STXBP5: variants seen among roughly 807,000 people sequenced by gnomAD.
STXBP5 encodes syntaxin binding protein 5.
Under a neutral mutation model 152.4 loss-of-function variants are expected in STXBP5, and 50 were observed. The observed-to-expected ratio is 0.33, with a 90% confidence interval of 0.26 to 0.42. The LOEUF (loss-of-function observed/expected upper bound fraction) is 0.42. Ranked by LOEUF, STXBP5 falls within the 10% of genes least tolerant of loss-of-function variation. The pLI is 1.00. For synonymous variants in STXBP5, 492 were observed against 494.7 expected (o/e 0.99, Z 0.07); for missense variants, 1,167 against 1,388.6 (o/e 0.84, Z 2.54).
chr6:147,213,852 C>T (rs1031183793), intron 2 of STXBP5, among the ~76,000 whole-genome samples: 1 of 152,002 alleles, frequency 6.6e-6, no homozygotes, highest in Non-Finnish European at 1.5e-5. Context: ...AAGAAAAGGG[C>T]ATTTCACTAT....
At chr6:147,292,335 G>GT (rs1261504422) in intron 9 of STXBP5, 2 of 424,282 alleles carry the variant, frequency 4.7e-6, no homozygotes, top group Non-Finnish European at 9.3e-6. Context: ...TGTATCATCT[G>GT]TTTGACTCTT....
intron 4 of STXBP5, among the ~76,000 whole-genome samples, chr6:147,253,004 CA>C (rs1028807050): frequency 5.9e-5 from 9 of 151,956 alleles, no homozygotes; most frequent in Admixed American, 2.6e-4. Context: ...AGAGACACAA[CA>C]AAAAAAGAAG....
chr6:147,293,186 ACT>A (rs1412566833), intron 9 of STXBP5: 3 of 152,216 alleles, frequency 2.0e-5, no homozygotes, highest in Non-Finnish European at 4.4e-5. Flanking sequence ...TGTAAGTTAC[ACT>A]CTATGATGTT....
intron 9 of STXBP5, among the ~76,000 whole-genome samples, chr6:147,298,396 A>G (rs947033429): frequency 6.6e-6 from 1 of 152,094 alleles, no homozygotes; most frequent in Non-Finnish European, 1.5e-5. Context: ...GAGGAATTCA[A>G]CACCCTACTT....
At chr6:147,245,500 A>G (rs924150544) in intron 4 of STXBP5, among the ~76,000 whole-genome samples, 35 of 152,120 alleles carry the variant, frequency 2.3e-4, no homozygotes, top group African/African-American at 8.2e-4. Flanking sequence ...CAGCATCTCA[A>G]TCTTCTGTAG....
chr6:147,213,434 A>ATGTGTGTGTGTG (rs1159372834), intron 2 of STXBP5, among the ~76,000 whole-genome samples: 92 of 85,564 alleles, frequency 1.1e-3, no homozygotes, highest in Non-Finnish European at 1.5e-3. Flanking sequence ...AATTTTATAT[A>ATGTGTGTGTGTG]TGTGTGTGTG....
chr6:147,371,427 C>A (rs1383704537), intron 25 of STXBP5, among the ~76,000 whole-genome samples: 1 of 152,080 alleles, frequency 6.6e-6, no homozygotes, highest in Non-Finnish European at 1.5e-5. Context: ...TTGGTTTCAT[C>A]TCTATGTGAT....
intron 9 of STXBP5, 116 bp from the exon 10 acceptor site, chr6:147,309,968 T>A (rs1782282712): frequency 1.4e-6 from 1 of 704,374 alleles, no homozygotes; most frequent in Non-Finnish European, 2.1e-6. Flanking sequence ...TTATATGATG[T>A]GTAAAAATGT....
In STXBP5 at chr6:147,329,655, T is replaced by G. The variant is rs369852037; in HGVS notation, c.2080+2379T>G. Among the ~76,000 whole-genome samples, 52 of 125,604 alleles carry G rather than the reference T, an allele frequency of 4.1e-4. No homozygotes were observed. In the East Asian group the frequency reaches 0.012, roughly 29 times the overall value. The allele number at this position is 125,604 out of a possible 152,430, so 82.4% of individuals were successfully genotyped here. On this transcript the variant is annotated intron_variant, in intron 18 of 27. Coordinates refer to ENST00000321680, the MANE Select transcript of STXBP5 (RefSeq NM_001127715.4). ...TTTTTTTTTTTTTTGAGACGGAGTC[T>G]CGCTCTTTCGCCCAGGCTGGACTGC...
rs569900149 is a variant in STXBP5, at chr6:147,334,257, T to C, written c.2146+35T>C. On this transcript the variant is annotated intron_variant, in intron 19 of 27. Transcript: ENST00000321680. ...TTTTTTTTTATTTCATTAATAATTA[T>C]GATTTACAAAATCCAAGATAGCATA... The C allele has an allele frequency of 5.0e-6, 8 of 1,585,150 alleles. No homozygotes were observed. The South Asian group carries it at 8.0e-5, about 16-fold the overall frequency.
intron 4 of STXBP5, among the ~76,000 whole-genome samples, chr6:147,252,460 AAGC>A (rs1779144141): frequency 6.6e-6 from 1 of 152,012 alleles, no homozygotes; most frequent in Admixed American, 6.5e-5. Context: ...CAAATTGATC[AAGC>A]AGAAGAAAGG....
At chr6:147,344,479 G>T (rs117481329) in intron 21 of STXBP5, among the ~76,000 whole-genome samples, 5,383 of 152,274 alleles carry the variant, frequency 0.035, 145 homozygotes, top group Admixed American at 0.054. Context: ...AGACTGGGAG[G>T]CTTAAACAAT....
intron 2 of STXBP5, among the ~76,000 whole-genome samples, chr6:147,218,224 G>A (rs990714863): frequency 7.9e-5 from 12 of 152,070 alleles, no homozygotes; most frequent in African/African-American, 2.7e-4. Context: ...TTATGATAGG[G>A]CTCATTCTTT....
chr6:147,316,174 G>T, intron 15 of STXBP5, 55 bp from the exon 16 acceptor site: 1 of 1,538,770 alleles, frequency 6.5e-7, no homozygotes, highest in Non-Finnish European at 9.0e-7. Context: ...TATAAATTGT[G>T]ATAAAATGAG....
At chr6:147,371,868 C>A (rs1356840800) in intron 25 of STXBP5, among the ~76,000 whole-genome samples, 2 of 152,160 alleles carry the variant, frequency 1.3e-5, no homozygotes, top group Non-Finnish European at 1.5e-5. Flanking sequence ...GCATGAGACA[C>A]CCAAATGATA....
At chr6:147,259,085 G>T (rs542329507) in intron 4 of STXBP5, among the ~76,000 whole-genome samples, 2 of 152,104 alleles carry the variant, frequency 1.3e-5, no homozygotes, top group East Asian at 3.9e-4. Context: ...GTGGTGCTTT[G>T]TACAAATACA....
In STXBP5 at chr6:147,363,496, C is replaced by G; in HGVS notation, c.2707C>G (p.Pro903Ala). 6.2e-7 allele frequency: 1 copy of G among 1,613,972 alleles called. No individual in the cohort carries two copies. Among genetic ancestry groups the G allele is most frequent in the South Asian group, 1.1e-5 (1 of 91,070 alleles). Reference sequence around the variant, plus strand: ...AAAACGGCGGCCTGTCTCAGTATCCCCCTCCTCTTCTCAGGAAATTAGTGA... The same window carrying G: ...AAAACGGCGGCCTGTCTCAGTATCCGCCTCCTCTTCTCAGGAAATTAGTGA... ...LKKRRPVSVS[P>A]SSSQEISENQ... is the part of the protein sequence containing the mutation. The change falls in exon 24 of 28, where the codon CCC (proline) becomes GCC (alanine). Residue 903 changes from proline (P) to alanine (A), a missense_variant. Transcript: ENST00000321680.
chr6:147,206,743 C>T (rs773548400), intron 2 of STXBP5, among the ~76,000 whole-genome samples: 16 of 151,926 alleles, frequency 1.1e-4, no homozygotes, highest in African/African-American at 3.9e-4. Flanking sequence ...AATTACTTTT[C>T]CTGGTTGTGT....
chr6:147,276,014 C>T (rs916781828), intron 7 of STXBP5, among the ~76,000 whole-genome samples: 1 of 152,144 alleles, frequency 6.6e-6, no homozygotes, highest in Non-Finnish European at 1.5e-5. Flanking sequence ...TTGCTCCTAA[C>T]CCACCTTGCT....
Sources: gnomAD v4.1 joint callset for allele counts (sites outside exome capture counted in the v4.1 genomes callset) on GRCh38, gnomAD v4.1.1 for gene constraint, MANE v1.5 for transcripts, NCBI Gene and HGNC (gene_info 2026-07-23, HGNC 2026-07-21) for gene names.